Variants in CABCOCO1 observed in about 807,000 individuals in gnomAD.
CABCOCO1 encodes the protein ciliary-associated calcium-binding coiled-coil protein 1.
A neutral mutation model predicts 35.7 loss-of-function variants in CABCOCO1; 28 were observed. The ratio of observed to expected loss-of-function variants is 0.78; its 90% confidence interval spans 0.58 to 1.07. CABCOCO1 has a LOEUF of 1.07. CABCOCO1 is among the 50% of genes least tolerant of loss of function. The pLI is 0.00. For synonymous variants in CABCOCO1, 95 were observed against 100.1 expected (o/e 0.95, Z 0.30); for missense variants, 326 against 309.2 (o/e 1.05, Z -0.41).
Position 61,690,625 on chromosome 10 carries a change from A to C in CABCOCO1, c.552+4A>C. 1 of 1,574,502 alleles carries C rather than the reference A, an allele frequency of 6.4e-7. No homozygotes were observed. Among genetic ancestry groups the C allele is most frequent in the Non-Finnish European group, 8.7e-7 (1 of 1,146,774 alleles). ...AGAAATTGTGATAGGAACTGAGGTA[A>C]GTAATTTATCTAGATGGAACAAGTT... is the stretch of plus-strand genomic sequence containing the variant. On this transcript the variant is annotated splice_donor_region_variant and intron_variant, in intron 5 of 7. Coordinates refer to ENST00000648843, the MANE Select transcript of CABCOCO1 (RefSeq NM_001366906.2).
intron 5 of CABCOCO1, among the ~76,000 whole-genome samples, chr10:61,719,495 A>AT (rs551570068): frequency 1.3e-5 from 2 of 152,022 alleles, no homozygotes; most frequent in African/African-American, 2.4e-5. Context: ...ACACACACAC[A>AT]TTTTTTTGGT....
At chr10:61,720,482 AG>A (rs1840977594) in intron 5 of CABCOCO1, among the ~76,000 whole-genome samples, 1 of 151,264 alleles carries the variant, frequency 6.6e-6, no homozygotes, top group Non-Finnish European at 1.5e-5. Context: ...CCACATATCC[AG>A]GTAATGTTTT....
chr10:61,693,556 TA>T (rs1840213098), intron 5 of CABCOCO1, among the ~76,000 whole-genome samples: 2 of 152,124 alleles, frequency 1.3e-5, no homozygotes, highest in Admixed American at 6.6e-5. Context: ...TGAAATAGAA[TA>T]TCACCATGTG....
At chr10:61,751,163 A>G (rs1841774017) in intron 5 of CABCOCO1, among the ~76,000 whole-genome samples, 1 of 151,054 alleles carries the variant, frequency 6.6e-6, no homozygotes, top group Non-Finnish European at 1.5e-5. Flanking sequence ...CTGAGACCAC[A>G]GCTTCCTCCA....
chr10:61,765,930 T>A lies in CABCOCO1; in HGVS notation c.817-9T>A, dbSNP rs1842098614. On this transcript the variant is annotated splice_polypyrimidine_tract_variant and intron_variant, in intron 7 of 7. Coordinates refer to ENST00000648843, the MANE Select transcript of CABCOCO1 (RefSeq NM_001366906.2). ...ATCATAACCACGTTTTTTATGATTGTCTTCACAGACCGAGATAAACGAAAA... is the reference window on the plus strand; with the variant it reads ...ATCATAACCACGTTTTTTATGATTGACTTCACAGACCGAGATAAACGAAAA... 1 of 1,610,718 alleles carries A rather than the reference T, an allele frequency of 6.2e-7. No homozygotes were observed. Among genetic ancestry groups the A allele is most frequent in the South Asian group, 1.1e-5 (1 of 90,986 alleles).
At position 61,695,693 on chromosome 10, in the gene CABCOCO1, A is replaced by G. The variant is rs549068341; in HGVS notation, c.552+5072A>G. ...ACTGACAGTCAACTTCTCAACAGTA[A>G]TAATGAGAGCCAGAGGACCATGAAG... On this transcript the variant is annotated intron_variant, in intron 5 of 7. Transcript: ENST00000648843. Among the ~76,000 whole-genome samples the G allele has an allele frequency of 6.9e-4, 105 of 152,190 alleles. 1 individual carries two copies. The highest frequency in any genetic ancestry group is 2.4e-3 in the African/African-American group (99 of 41,560).
At chr10:61,663,616 T>C (rs189021445) in intron 1 of CABCOCO1, among the ~76,000 whole-genome samples, 1 of 115,474 alleles carries the variant, frequency 8.7e-6, no homozygotes, top group Admixed American at 9.8e-5. Context: ...TGGAAAATCT[T>C]CTCTGGTTAT....
intron 5 of CABCOCO1, among the ~76,000 whole-genome samples, chr10:61,742,558 C>T (rs1017247573): frequency 1.1e-4 from 17 of 152,108 alleles, no homozygotes; most frequent in Admixed American, 2.6e-4. Context: ...AATTGTGGGG[C>T]CTTGGAACAG....
At chr10:61,680,729 AT>A (rs1839763230) in intron 2 of CABCOCO1, among the ~76,000 whole-genome samples, 1 of 105,792 alleles carries the variant, frequency 9.5e-6, no homozygotes, top group Non-Finnish European at 1.8e-5. Flanking sequence ...TATATATTAT[AT>A]ATATAATATA....
chr10:61,668,096 A>G (rs1359046798), intron 1 of CABCOCO1, among the ~76,000 whole-genome samples: 1 of 151,826 alleles, frequency 6.6e-6, no homozygotes, highest in Non-Finnish European at 1.5e-5. Context: ...TTTATTATAT[A>G]TTTAAATAAT....
At chr10:61,664,245 T>C (rs1355744790) in intron 1 of CABCOCO1, among the ~76,000 whole-genome samples, 1 of 152,166 alleles carries the variant, frequency 6.6e-6, no homozygotes, top group African/African-American at 2.4e-5. Flanking sequence ...ATTTCAAAAG[T>C]AGCACAGGAA....
intron 5 of CABCOCO1, among the ~76,000 whole-genome samples, chr10:61,721,890 T>G (rs1478951923): frequency 1.3e-5 from 2 of 152,190 alleles, no homozygotes; most frequent in Non-Finnish European, 2.9e-5. Context: ...CAGAGAAAGA[T>G]GTTGAACGTA....
At chr10:61,709,847 T>C (rs1355538723) in intron 5 of CABCOCO1, among the ~76,000 whole-genome samples, 1 of 152,066 alleles carries the variant, frequency 6.6e-6, no homozygotes, top group East Asian at 1.9e-4. Flanking sequence ...TTATTTGTGC[T>C]GAGCAGCTTT....
intron 1 of CABCOCO1, among the ~76,000 whole-genome samples, chr10:61,667,051 T>C (rs1477337732): frequency 7.0e-6 from 1 of 142,456 alleles, no homozygotes; most frequent in Non-Finnish European, 1.5e-5. Flanking sequence ...ATAAATTTCA[T>C]ATATTATATA....
At chr10:61,696,244 A>G (rs1435077847) in intron 5 of CABCOCO1, among the ~76,000 whole-genome samples, 1 of 152,134 alleles carries the variant, frequency 6.6e-6, no homozygotes, top group Non-Finnish European at 1.5e-5. Flanking sequence ...TGCCTATTAT[A>G]TCCTTGGGGG....
chr10:61,674,749 G>T (rs1395822036), intron 2 of CABCOCO1, among the ~76,000 whole-genome samples: 1 of 152,056 alleles, frequency 6.6e-6, no homozygotes, highest in African/African-American at 2.4e-5. Flanking sequence ...AAACATTAAA[G>T]TATCATTAAA....
intron 5 of CABCOCO1, among the ~76,000 whole-genome samples, chr10:61,698,834 C>T (rs756047481): frequency 4.6e-5 from 7 of 151,870 alleles, no homozygotes; most frequent in African/African-American, 7.3e-5. Flanking sequence ...ATGAGACTTA[C>T]GTAAACATTC....
At chr10:61,715,128 T>C (rs1390112212) in intron 5 of CABCOCO1, among the ~76,000 whole-genome samples, 4 of 152,158 alleles carry the variant, frequency 2.6e-5, no homozygotes, top group Admixed American at 1.3e-4. Flanking sequence ...AGTGTCCCAT[T>C]ATTATTGTGT....
rs555340523 is a variant in CABCOCO1 at position 61,730,568 on chromosome 10, G to C, written c.553-29491G>C. 8.5e-5 allele frequency among the ~76,000 whole-genome samples: 13 copies of C among 152,138 alleles called. No homozygotes were observed. In the South Asian group the frequency reaches 2.7e-3, roughly 32 times the overall value. ...ATTTAGGAATGAATGATCAAAGAGT[G>C]CTGAACTTGGTAGGTGTAAGTTTGG... On this transcript the variant is annotated intron_variant, in intron 5 of 7. Coordinates refer to ENST00000648843, the MANE Select transcript of CABCOCO1 (RefSeq NM_001366906.2).
Sources: gnomAD v4.1 joint callset for allele counts (sites outside exome capture counted in the v4.1 genomes callset) on GRCh38, gnomAD v4.1.1 for gene constraint, MANE v1.5 for transcripts, NCBI Gene and HGNC (gene_info 2026-07-23, HGNC 2026-07-21) for gene names.